Variants in OPRM1 observed in about 807,000 individuals in gnomAD.
OPRM1 encodes mu-type opioid receptor.
OPRM1 carries 27 observed loss-of-function variants against 31.8 expected under a neutral mutation model. That is an observed-to-expected ratio of 0.85 (90% CI 0.63 to 1.17). The LOEUF (loss-of-function observed/expected upper bound fraction) is 1.17, where lower values mean the gene tolerates loss of function less well. Ranked by LOEUF, OPRM1 falls within the 50% of genes most tolerant of loss-of-function variation. The pLI is 0.00. For missense variants in OPRM1, 536 were observed against 511.1 expected, an observed-to-expected ratio of 1.05 and a Z score of -0.47; for synonymous variants, 196 against 189.9, an observed-to-expected ratio of 1.03 and a Z score of -0.26.
chr6:154,190,612 A>G (rs1801786614), intron 3 of OPRM1, among the ~76,000 whole-genome samples: 1 of 152,238 alleles, frequency 6.6e-6, no homozygotes, highest in Non-Finnish European at 1.5e-5. Context: ...TCTCTTATAC[A>G]GTTAAACATA....
Position 154,131,944 on chromosome 6 carries a change from T to G in OPRM1, c.*13223T>G, listed in dbSNP as rs78630007. Among the ~76,000 whole-genome samples, 36 of 30,904 alleles carry G rather than the reference T, an allele frequency of 1.2e-3. No individual in the cohort carries two copies. Among genetic ancestry groups the G allele is most frequent in the East Asian group, 5.3e-3 (1 of 188 alleles). The allele number at this position is 30,904 out of a possible 152,430, so 20.3% of individuals were successfully genotyped here. On this transcript the variant is annotated 3_prime_UTR_variant, in exon 4 of 4. Coordinates refer to ENST00000330432, the MANE Select transcript of OPRM1 (RefSeq NM_000914.5). ...GGGAGTTTTTCTATAAGTTTTTGGTTTTTTTTTTTTTTTCTCTTCATTAGT... is the reference window on the plus strand; with the variant it reads ...GGGAGTTTTTCTATAAGTTTTTGGTGTTTTTTTTTTTTTCTCTTCATTAGT...
intron 3 of OPRM1, among the ~76,000 whole-genome samples, chr6:154,185,391 A>G (rs1262477194): frequency 6.6e-6 from 1 of 152,254 alleles, no homozygotes; most frequent in East Asian, 1.9e-4. Flanking sequence ...GGTACTTTGT[A>G]ATTTTTAATG....
chr6:154,149,483 G>A lies in OPRM1; in HGVS notation c.1164+58011G>A, dbSNP rs372689820. ...CATATCACATGGTGTTGTTAAAATC[G>A]TCTTCCTCATGAGAAACAGCCTCCT... On this transcript the variant is annotated intron_variant, in intron 3 of 3. Transcript: ENST00000337049. 7.4e-4 allele frequency among the ~76,000 whole-genome samples: 112 copies of A among 152,132 alleles called. 1 individual carries two copies. The highest frequency in any genetic ancestry group is 6.8e-3 in the Middle Eastern group (2 of 294).
intron 3 of OPRM1, among the ~76,000 whole-genome samples, chr6:154,234,971 C>A (rs545646409): frequency 6.6e-6 from 1 of 152,164 alleles, no homozygotes; most frequent in Non-Finnish European, 1.5e-5. Context: ...TTTAAAACCC[C>A]AAATGTGCTA....
chr6:154,166,659 C>T (rs556874790), intron 3 of OPRM1, among the ~76,000 whole-genome samples: 37 of 152,230 alleles, frequency 2.4e-4, no homozygotes, highest in African/African-American at 7.7e-4. Context: ...GTTTCTACAC[C>T]GGTAGAGTCC....
At chr6:154,199,964 A>C in intron 3 of OPRM1, 1 of 1,614,120 alleles carries the variant, frequency 6.2e-7, no homozygotes, top group Non-Finnish European at 8.5e-7. Context: ...GGGTGTCTTC[A>C]CTGTATTTTC....
intron 1 of OPRM1, among the ~76,000 whole-genome samples, chr6:154,026,974 G>C (rs1035759923): frequency 1.4e-4 from 21 of 152,120 alleles, no homozygotes; most frequent in African/African-American, 5.1e-4. Flanking sequence ...AGTTCATTTA[G>C]TGGGGTCGTA....
chr6:154,158,405 C>T (rs1393474903), intron 3 of OPRM1: 1 of 152,148 alleles, frequency 6.6e-6, no homozygotes, highest in Non-Finnish European at 1.5e-5. Flanking sequence ...TTCTATTAGT[C>T]TTTAATGAAA....
chr6:154,042,330 C>T (rs1197412017), intron 1 of OPRM1, among the ~76,000 whole-genome samples: 1 of 152,146 alleles, frequency 6.6e-6, no homozygotes, highest in African/African-American at 2.4e-5. Flanking sequence ...ACAAAATGAT[C>T]AGTTCAGGGA....
chr6:154,234,991 C>T (rs1780001053), intron 3 of OPRM1, among the ~76,000 whole-genome samples: 1 of 152,138 alleles, frequency 6.6e-6, no homozygotes. Flanking sequence ...ACTGTTTTCA[C>T]ATATATGGGC....
chr6:154,064,575 G>A (rs780121257), intron 1 of OPRM1, among the ~76,000 whole-genome samples: 9 of 152,106 alleles, frequency 5.9e-5, no homozygotes, highest in Non-Finnish European at 1.2e-4. Flanking sequence ...ATCTAATGTT[G>A]TGTAGATTTT....
chr6:154,087,213 T>C (rs1790803039), intron 1 of OPRM1: 1 of 985,410 alleles, frequency 1.0e-6, no homozygotes, highest in East Asian at 1.1e-4. Context: ...AGATCAGGTA[T>C]CAGAATTTTA....
At chr6:154,116,553 C>G (rs1280594399) in intron 3 of OPRM1, among the ~76,000 whole-genome samples, 1 of 147,964 alleles carries the variant, frequency 6.8e-6, no homozygotes, top group East Asian at 2.0e-4. Context: ...CCACTGCACT[C>G]TAGCCTGGGT....
intron 1 of OPRM1, among the ~76,000 whole-genome samples, chr6:154,030,454 A>G (rs1489484460): frequency 6.6e-6 from 1 of 152,190 alleles, no homozygotes; most frequent in South Asian, 2.1e-4. Flanking sequence ...CAAAGCATCA[A>G]TTTACCTTAA....
chr6:154,028,567 G>C (rs1043841697), intron 1 of OPRM1, among the ~76,000 whole-genome samples: 1 of 152,106 alleles, frequency 6.6e-6, no homozygotes, highest in Non-Finnish European at 1.5e-5. Flanking sequence ...ATAGTCTTTT[G>C]AGTTTATTTA....
At chr6:154,159,916 C>A (rs1262889668) in intron 3 of OPRM1, 2 of 1,613,556 alleles carry the variant, frequency 1.2e-6, no homozygotes. Flanking sequence ...AGGCGAAGCC[C>A]GCTGCTGCTG....
At chr6:154,228,305 A>T (rs199766106) in intron 3 of OPRM1, among the ~76,000 whole-genome samples, 3 of 22,372 alleles carry the variant, frequency 1.3e-4, no homozygotes, top group African/African-American at 7.1e-4. Context: ...GTCTCTGTTT[A>T]AAAAAAAAAA....
chr6:154,212,750 C>G, intron 3 of OPRM1: 1 of 1,523,404 alleles, frequency 6.6e-7, no homozygotes, highest in South Asian at 1.1e-5. Flanking sequence ...GACCAACAGA[C>G]TACTTATGTC....
chr6:154,216,694 C>A (rs907836050), intron 3 of OPRM1, among the ~76,000 whole-genome samples: 4 of 152,106 alleles, frequency 2.6e-5, no homozygotes, highest in African/African-American at 4.8e-5. Context: ...ATGGTGAAAC[C>A]CTGTCTTTAC....
Sources: allele counts gnomAD v4.1 joint callset (sites outside exome capture counted in the v4.1 genomes callset), GRCh38; gene constraint gnomAD v4.1.1; transcripts MANE v1.5; gene names NCBI Gene and HGNC (gene_info 2026-07-23, HGNC 2026-07-21).